Variants in PRICKLE1 observed in about 807,000 individuals in gnomAD.
PRICKLE1 encodes the protein prickle planar cell polarity protein 1.
Under a neutral mutation model 70.2 loss-of-function variants are expected in PRICKLE1, and 14 were observed. The ratio of observed to expected loss-of-function variants is 0.20; its 90% confidence interval spans 0.13 to 0.31. The LOEUF is 0.31. Ranked by LOEUF, PRICKLE1 falls within the 10% of genes least tolerant of loss-of-function variation. PRICKLE1 has a pLI of 1.00. For synonymous variants in PRICKLE1, 357 were observed against 379.9 expected, an observed-to-expected ratio of 0.94 and a Z score of 0.70; for missense variants, 821 against 1,026.2, an observed-to-expected ratio of 0.80 and a Z score of 2.73.
At chr12:42,577,964 C>G (rs917348413) in intron 1 of PRICKLE1, among the ~76,000 whole-genome samples, 1 of 152,122 alleles carries the variant, frequency 6.6e-6, no homozygotes. Context: ...AGCTGCATCT[C>G]GAACTAAAAG....
At chr12:42,462,044 C>T (rs1277956950) in intron 7 of PRICKLE1, among the ~76,000 whole-genome samples, 2 of 152,078 alleles carry the variant, frequency 1.3e-5, no homozygotes, top group Non-Finnish European at 2.9e-5. Context: ...GTGATCTGCC[C>T]GCCTCGGTCT....
At chr12:42,522,332 G>A (rs1939726653) in intron 1 of PRICKLE1, among the ~76,000 whole-genome samples, 1 of 151,918 alleles carries the variant, frequency 6.6e-6, no homozygotes, top group Admixed American at 6.6e-5. Context: ...CAAACTCCTG[G>A]GCTCAAGCAA....
intron 1 of PRICKLE1, among the ~76,000 whole-genome samples, chr12:42,560,510 TTGTTAGAC>T (rs1940492936): frequency 7.4e-6 from 1 of 135,274 alleles, no homozygotes; most frequent in African/African-American, 3.5e-5. Flanking sequence ...CTGGGACTAT[TTGTTAGAC>T]AGGGTGGAAA....
At chr12:42,559,245 T>A (rs1940460075) in intron 1 of PRICKLE1, among the ~76,000 whole-genome samples, 1 of 152,182 alleles carries the variant, frequency 6.6e-6, no homozygotes, top group Non-Finnish European at 1.5e-5. Flanking sequence ...ATTTGAACTG[T>A]CAGAGACCTT....
intron 1 of PRICKLE1, among the ~76,000 whole-genome samples, chr12:42,544,419 C>T (rs1438656401): frequency 6.6e-6 from 1 of 152,230 alleles, no homozygotes; most frequent in Admixed American, 6.5e-5. Flanking sequence ...TCTATCATCA[C>T]TAACAATTAA....
rs11342397 is a variant in PRICKLE1, at chr12:42,519,193, C to CTTTT, written c.-48-46633_-48-46630dup. Among the ~76,000 whole-genome samples, 47 of 99,202 alleles carry CTTTT rather than the reference C, an allele frequency of 4.7e-4. 8 individuals carry two copies. The highest frequency in any genetic ancestry group is 1.9e-3 in the East Asian group (6 of 3,100). The allele number at this position is 99,202 out of a possible 152,430, so 65.1% of individuals were successfully genotyped here. The stretch of plus-strand genomic sequence containing the variant: ...TACTGAATTTCCTTTCCTTTTTTTC[C>CTTTT]TTTTTTTTTTTTTTTTTTTTGAGAT... On this transcript the variant is annotated intron_variant, in intron 1 of 7. Coordinates refer to ENST00000345127, the MANE Select transcript of PRICKLE1 (RefSeq NM_153026.3).
intron 1 of PRICKLE1, among the ~76,000 whole-genome samples, chr12:42,505,008 C>T (rs1264186136): frequency 3.3e-5 from 5 of 152,064 alleles, no homozygotes; most frequent in African/African-American, 9.7e-5. Flanking sequence ...AGCGTGGTGG[C>T]GGGCACCTGT....
rs550963752 is a variant in PRICKLE1, at chr12:42,541,813, C to G, written c.-49+47652G>C. 5.3e-5 allele frequency among the ~76,000 whole-genome samples: 8 copies of G among 152,286 alleles called. No individual in the cohort carries two copies. In the South Asian group the frequency reaches 1.5e-3, roughly 28 times the overall value. ...TGCTTGTTCCCTACATTAGGCTGAC[C>G]TTTCCTTGAAGGTAGAATAGTGAGC... On this transcript the variant is annotated intron_variant, in intron 1 of 7. Transcript: ENST00000345127.
intron 1 of PRICKLE1, among the ~76,000 whole-genome samples, chr12:42,570,166 C>T (rs1054967952): frequency 6.6e-6 from 1 of 152,244 alleles, no homozygotes; most frequent in Non-Finnish European, 1.5e-5. Context: ...AGCTCCCTTC[C>T]TTGAGTCAAA....
chr12:42,581,805 A>C (rs1592045912), intron 1 of PRICKLE1, among the ~76,000 whole-genome samples: 2 of 152,184 alleles, frequency 1.3e-5, no homozygotes, highest in Non-Finnish European at 2.9e-5. Flanking sequence ...CAGGCAGCAT[A>C]AACAGTAACA....
At chr12:42,561,590 C>T (rs955130661) in intron 1 of PRICKLE1, among the ~76,000 whole-genome samples, 2 of 152,122 alleles carry the variant, frequency 1.3e-5, no homozygotes, top group Non-Finnish European at 2.9e-5. Context: ...TTTTAAGGCT[C>T]AAAATAGTTT....
In PRICKLE1 at chr12:42,459,660, T is replaced by G. The variant is rs1044446097; in HGVS notation, c.*149A>C. On this transcript the variant is annotated 3_prime_UTR_variant, in exon 8 of 8. Transcript: ENST00000345127. ...AGAAATCACACCTTTCAAATGTTAA[T>G]CTGACACTGTAAACAGCAGTTGAGT... The G allele has an allele frequency of 9.8e-6, 9 of 917,438 alleles. No individual in the cohort carries two copies. The Admixed American group carries it at 1.6e-4, about 17-fold the overall frequency. 56.8% of individuals were successfully genotyped at this position (917,438 alleles called of 1,614,324 possible). A position where few individuals can be genotyped will look rare whatever the true frequency, so the allele number is the denominator to read the frequency against.
At chr12:42,498,012 T>G (rs934434951) in intron 1 of PRICKLE1, among the ~76,000 whole-genome samples, 3 of 152,106 alleles carry the variant, frequency 2.0e-5, no homozygotes, top group African/African-American at 7.2e-5. Flanking sequence ...TATTATTTAT[T>G]TATTTATTTC....
At chr12:42,538,388 T>C (rs1209454197) in intron 1 of PRICKLE1, among the ~76,000 whole-genome samples, 2 of 152,208 alleles carry the variant, frequency 1.3e-5, no homozygotes, top group Non-Finnish European at 2.9e-5. Context: ...AACACAGTGC[T>C]TGTATTGTTC....
At chr12:42,512,477 G>A (rs1376336280) in intron 1 of PRICKLE1, among the ~76,000 whole-genome samples, 1 of 152,132 alleles carries the variant, frequency 6.6e-6, no homozygotes, top group Non-Finnish European at 1.5e-5. Context: ...TGCCCAGCTG[G>A]ACATTGTGTT....
intron 1 of PRICKLE1, chr12:42,483,177 GCT>G: frequency 6.5e-6 from 1 of 153,172 alleles, no homozygotes; most frequent in East Asian, 1.9e-4. Context: ...GCCTCGCGCC[GCT>G]CTTGGCGCCG....
intron 1 of PRICKLE1, among the ~76,000 whole-genome samples, chr12:42,569,587 C>G (rs995306113): frequency 2.0e-5 from 3 of 152,166 alleles, no homozygotes; most frequent in Non-Finnish European, 4.4e-5. Context: ...GTATGTCATT[C>G]TTATGGTGCC....
chr12:42,479,811 C>T (rs748024490), intron 1 of PRICKLE1, among the ~76,000 whole-genome samples: 56 of 151,938 alleles, frequency 3.7e-4, no homozygotes, highest in African/African-American at 1.2e-3. Flanking sequence ...CAAAATTAGC[C>T]GGGCATGGTG....
chr12:42,535,994 C>T (rs2120572406), intron 1 of PRICKLE1, among the ~76,000 whole-genome samples: 1 of 152,282 alleles, frequency 6.6e-6, no homozygotes, highest in Non-Finnish European at 1.5e-5. Context: ...GGTACACTCA[C>T]ATCATAATTT....
Sources: gnomAD v4.1 joint callset for allele counts (sites outside exome capture counted in the v4.1 genomes callset) on GRCh38, gnomAD v4.1.1 for gene constraint, MANE v1.5 for transcripts, NCBI Gene and HGNC (gene_info 2026-07-23, HGNC 2026-07-21) for gene names.